The following GMDS variants were observed in gnomAD, a reference collection of about 807,000 sequenced individuals.
The protein encoded by GMDS is GDP-mannose 4,6-dehydratase.
A neutral mutation model predicts 49.9 loss-of-function variants in GMDS; 20 were observed. The ratio of observed to expected loss-of-function variants is 0.40; its 90% CI spans 0.28 to 0.58. The LOEUF (loss-of-function observed/expected upper bound fraction) is 0.58, where lower values mean the gene tolerates loss of function less well. GMDS is among the 20% of genes least tolerant of loss of function. The probability of loss-of-function intolerance (pLI) is 0.42; values close to 1 mark genes in which losing one functional copy is unlikely to be tolerated. For synonymous variants in GMDS, 177 were observed against 178.6 expected (o/e 0.99, Z 0.07); for missense variants, 362 against 481.4 (o/e 0.75, Z 2.32).
Position 1,640,948 on chromosome 6 carries a change from C to T in GMDS, c.988-16408G>A, listed in dbSNP as rs1763312714. 6.6e-6 allele frequency among the ~76,000 whole-genome samples: 1 copy of T among 152,192 alleles called. No individual in the cohort carries two copies. The highest frequency in any genetic ancestry group is 2.4e-5 in the African/African-American group (1 of 41,450). ...CCCTGAAGGGCCGGCTGGTTAGAAACCCTGAAGTCCAGAGTGACCCCATGG... is the reference window on the plus strand; with the variant it reads ...CCCTGAAGGGCCGGCTGGTTAGAAATCCTGAAGTCCAGAGTGACCCCATGG... On this transcript the variant is annotated intron_variant, in intron 9 of 10. Coordinates refer to ENST00000380815, the MANE Select transcript of GMDS (RefSeq NM_001500.4). This position sits in a 1 kb window ranked among gnomAD's most constrained non-coding sequence, Gnocchi z 4.0.
intron 7 of GMDS, among the ~76,000 whole-genome samples, chr6:1,878,736 T>C (rs1035546514): frequency 6.6e-6 from 1 of 152,232 alleles, no homozygotes; most frequent in Non-Finnish European, 1.5e-5. Context: ...GTGTATTTTC[T>C]ATAGTATATA....
At chr6:2,166,346 T>C (rs1777669130) in intron 1 of GMDS, among the ~76,000 whole-genome samples, 1 of 152,142 alleles carries the variant, frequency 6.6e-6, no homozygotes, top group Non-Finnish European at 1.5e-5. Flanking sequence ...AATAACAACA[T>C]AATAAATGGC....
chr6:2,060,373 T>G (rs550904191), intron 4 of GMDS, among the ~76,000 whole-genome samples: 1 of 152,366 alleles, frequency 6.6e-6, no homozygotes, highest in Admixed American at 6.5e-5. Context: ...TCATATTTTA[T>G]TTTAAAGTTC....
At chr6:2,063,049 C>T (rs1044659953) in intron 4 of GMDS, among the ~76,000 whole-genome samples, 3 of 152,196 alleles carry the variant, frequency 2.0e-5, no homozygotes, top group Non-Finnish European at 4.4e-5. Flanking sequence ...CTATGATGAG[C>T]CAGAGATACA....
In GMDS at chr6:1,778,983, C is replaced by T. The variant is rs6942215; in HGVS notation, c.772-36397G>A. On this transcript the variant is annotated intron_variant, in intron 7 of 10. Transcript: ENST00000380815. This position sits in a 1 kb window ranked among gnomAD's most constrained non-coding sequence, Gnocchi z 4.6. The stretch of plus-strand genomic sequence containing the variant: ...CTACCCCATCATCTCGCAGTGCTGG[C>T]GTGGCCTCCCATGCTGATCCCTGGA... Among the ~76,000 whole-genome samples the T allele has an allele frequency of 2.5e-3, 374 of 152,260 alleles. 1 individual carries two copies. Among genetic ancestry groups the T allele is most frequent in the African/African-American group, 8.0e-3 (331 of 41,536 alleles).
chr6:1,957,726 T>C (rs1763719469), intron 6 of GMDS, among the ~76,000 whole-genome samples: 1 of 152,244 alleles, frequency 6.6e-6, no homozygotes, highest in East Asian at 1.9e-4. Flanking sequence ...CTGGCAGTTA[T>C]CACGAGGGTG....
Position 1,742,561 on chromosome 6 carries a change from T to C in GMDS, c.797A>G (p.Asp266Gly), listed in dbSNP as rs1767314687. The C allele has an allele frequency of 1.2e-6, 2 of 1,604,810 alleles. No individual in the cohort carries two copies. Among genetic ancestry groups the C allele is most frequent in the African/African-American group, 1.3e-5 (1 of 74,814 alleles). Reference sequence around the variant, plus strand: ...AGCTATAACGAAGTCCTCCGGCTCATCATTCTGCAACATCAACCACATAGC... The same window carrying C: ...AGCTATAACGAAGTCCTCCGGCTCACCATTCTGCAACATCAACCACATAGC... Reference protein sequence around the residue: ...VEAMWLMLQNDEPEDFVIATG... With the variant: ...VEAMWLMLQNGEPEDFVIATG... Residue 266 changes from aspartate (D) to glycine (G), a missense_variant, in exon 8 of 11, where the codon GAT (aspartate) becomes GGT (glycine). Physicochemically the swap from Asp to Gly is moderately conservative, Grantham distance 94. Transcript: ENST00000380815.
intron 1 of GMDS, among the ~76,000 whole-genome samples, chr6:2,166,658 T>G (rs1186822810): frequency 6.6e-6 from 1 of 152,234 alleles, no homozygotes; most frequent in Non-Finnish European, 1.5e-5. Flanking sequence ...TTTAAAATAA[T>G]GTTCCCAGGT....
intron 9 of GMDS, among the ~76,000 whole-genome samples, chr6:1,663,345 G>C (rs1212375775): frequency 2.6e-5 from 4 of 152,116 alleles, no homozygotes; most frequent in Non-Finnish European, 5.9e-5. Context: ...TGAACTGTGG[G>C]ACCTCCTTCA....
chr6:1,903,224 G>A (rs2113862304), intron 7 of GMDS, among the ~76,000 whole-genome samples: 1 of 152,192 alleles, frequency 6.6e-6, no homozygotes, highest in East Asian at 1.9e-4. Context: ...TACAAATAGT[G>A]GTAAAATTTA....
chr6:1,999,237 G>A (rs541158460), intron 4 of GMDS, among the ~76,000 whole-genome samples: 25 of 149,808 alleles, frequency 1.7e-4, no homozygotes, highest in Non-Finnish European at 3.0e-4. Context: ...CAGGAGAATC[G>A]CTTGAACCAG....
At chr6:1,896,668 T>C (rs759523371) in intron 7 of GMDS, among the ~76,000 whole-genome samples, 33 of 151,810 alleles carry the variant, frequency 2.2e-4, no homozygotes, top group East Asian at 1.2e-3. Context: ...GCTGCAGGGG[T>C]TGTATCAAAG....
chr6:2,200,791 G>T (rs1779485640), intron 1 of GMDS, among the ~76,000 whole-genome samples: 1 of 147,452 alleles, frequency 6.8e-6, no homozygotes, highest in African/African-American at 2.5e-5. Flanking sequence ...GAGAGGTGAA[G>T]GATGAAGACA....
intron 1 of GMDS, among the ~76,000 whole-genome samples, chr6:2,162,831 C>T (rs1777472641): frequency 6.6e-6 from 1 of 152,134 alleles, no homozygotes; most frequent in African/African-American, 2.4e-5. Context: ...TTCCCACCCA[C>T]ACTGCTTCCA....
intron 7 of GMDS, among the ~76,000 whole-genome samples, chr6:1,871,306 C>T (rs1581279906): frequency 6.6e-6 from 1 of 152,070 alleles, no homozygotes. Context: ...TATTAAAAAC[C>T]TACGTAAATA....
At chr6:2,048,755 G>T (rs1021110454) in intron 4 of GMDS, among the ~76,000 whole-genome samples, 1 of 151,888 alleles carries the variant, frequency 6.6e-6, no homozygotes, top group Non-Finnish European at 1.5e-5. Flanking sequence ...GCTTCTAATT[G>T]ATATTTTATG....
At chr6:2,079,954 G>A (rs1329821044) in intron 4 of GMDS, among the ~76,000 whole-genome samples, 4 of 151,966 alleles carry the variant, frequency 2.6e-5, no homozygotes, top group African/African-American at 4.8e-5. Flanking sequence ...AATATGTGGT[G>A]GCTTTATAGT....
At position 2,231,031 on chromosome 6, in the gene GMDS, G is replaced by T. The variant is rs1781083194; in HGVS notation, c.102+14290C>A. ...CTAAGTCAACATTATAAGGACAGGG[G>T]GACAAGAAAGAGTGCCTGGTCAAAA... On this transcript the variant is annotated intron_variant, in intron 1 of 10. Transcript: ENST00000380815. Among the ~76,000 whole-genome samples, 4 of 144,164 alleles carry T rather than the reference G, an allele frequency of 2.8e-5. No individual in the cohort carries two copies. The Admixed American group carries it at 2.9e-4, about 11-fold the overall frequency. The allele number at this position is 144,164 out of a possible 152,430, so 94.6% of individuals were successfully genotyped here.
chr6:2,159,750 C>T (rs546691091), intron 1 of GMDS, among the ~76,000 whole-genome samples: 1 of 152,130 alleles, frequency 6.6e-6, no homozygotes, highest in African/African-American at 2.4e-5. Flanking sequence ...AACCTGACCT[C>T]AGGTGATCTG....
Sources: allele counts gnomAD v4.1 joint callset (sites outside exome capture counted in the v4.1 genomes callset), GRCh38; gene constraint gnomAD v4.1.1; non-coding constraint Gnocchi (gnomAD v3.1); transcripts MANE v1.5; gene names NCBI Gene and HGNC (gene_info 2026-07-23, HGNC 2026-07-21).